Variants in CNTNAP2 observed in about 807,000 individuals in gnomAD.
CNTNAP2 encodes contactin associated protein 2.
Under a neutral mutation model 155.2 loss-of-function variants are expected in CNTNAP2, and 98 were observed. The observed-to-expected ratio is 0.63, with a 90% CI of 0.54 to 0.75. The LOEUF (loss-of-function observed/expected upper bound fraction) is 0.75, where lower values mean the gene tolerates loss of function less well. CNTNAP2 is among the 30% of genes least tolerant of loss of function. The probability of loss-of-function intolerance (pLI) is 0.00; values close to 1 mark genes in which losing one functional copy is unlikely to be tolerated. For missense variants in CNTNAP2, 1,727 were observed against 1,688.1 expected (o/e 1.02, Z -0.40); for synonymous variants, 651 against 631.2 (o/e 1.03, Z -0.47).
intron 1 of CNTNAP2, among the ~76,000 whole-genome samples, chr7:146,358,642 T>C (rs1795038902): frequency 6.6e-6 from 1 of 152,212 alleles, no homozygotes; most frequent in Non-Finnish European, 1.5e-5. Context: ...AGCTAAAGAT[T>C]GTTGATTAGA....
chr7:146,744,573 A>G (rs1801778353), intron 1 of CNTNAP2, among the ~76,000 whole-genome samples: 1 of 152,206 alleles, frequency 6.6e-6, no homozygotes, highest in Non-Finnish European at 1.5e-5. Flanking sequence ...CAATGTCTGC[A>G]TTGCTTGAAA....
At chr7:146,192,715 T>G (rs989140087) in intron 1 of CNTNAP2, among the ~76,000 whole-genome samples, 1 of 152,140 alleles carries the variant, frequency 6.6e-6, no homozygotes. Flanking sequence ...TTCTGCCCTC[T>G]GAAATCTCAT....
chr7:148,321,720 T>A lies in CNTNAP2; in HGVS notation c.3475+54594T>A, dbSNP rs1369745727. ...TCCAATGCAATCATCAGGCAAATAA[T>A]ATTTTAATGTTTTCTTGACATGCTG... On this transcript the variant is annotated intron_variant, in intron 21 of 23. Transcript: ENST00000361727. 5.3e-5 allele frequency among the ~76,000 whole-genome samples: 8 copies of A among 152,258 alleles called. No individual in the cohort carries two copies. In the East Asian group the frequency reaches 1.5e-3, roughly 29 times the overall value.
In CNTNAP2 at chr7:148,078,634, C is replaced by A. The variant is rs1036280710; in HGVS notation, c.2384-39484C>A. Among the ~76,000 whole-genome samples, 8 of 152,062 alleles carry A rather than the reference C, an allele frequency of 5.3e-5. No homozygotes were observed. In the South Asian group the frequency reaches 1.7e-3, roughly 32 times the overall value. ...TAGTTGGGATTACAGGTGCCCACCACCATGCCCAGCTAATCTTTGTATTTT... is the reference window on the plus strand; with the variant it reads ...TAGTTGGGATTACAGGTGCCCACCAACATGCCCAGCTAATCTTTGTATTTT... On this transcript the variant is annotated intron_variant, in intron 15 of 23. Coordinates refer to ENST00000361727, the MANE Select transcript of CNTNAP2 (RefSeq NM_014141.6).
At chr7:147,802,990 TAAAC>T (rs753210214) in intron 13 of CNTNAP2, among the ~76,000 whole-genome samples, 3 of 151,850 alleles carry the variant, frequency 2.0e-5, no homozygotes, top group East Asian at 1.9e-4. Context: ...TGAAACCTAA[TAAAC>T]AGACAAAGGA....
chr7:147,105,539 G>C (rs944397157), intron 4 of CNTNAP2, among the ~76,000 whole-genome samples: 3 of 152,038 alleles, frequency 2.0e-5, no homozygotes, highest in Non-Finnish European at 4.4e-5. Context: ...GTAGGAAACA[G>C]AGCCAAACTG....
At chr7:148,032,061 G>A (rs1005379835) in intron 15 of CNTNAP2, among the ~76,000 whole-genome samples, 1 of 152,114 alleles carries the variant, frequency 6.6e-6, no homozygotes, top group Non-Finnish European at 1.5e-5. Context: ...CGGTGCCCTA[G>A]ATGTTTCCCC....
chr7:146,355,320 G>A (rs1379289844), intron 1 of CNTNAP2, among the ~76,000 whole-genome samples: 1 of 152,112 alleles, frequency 6.6e-6, no homozygotes, highest in Non-Finnish European at 1.5e-5. Context: ...GACCAACAGG[G>A]GGTGTGCTAA....
chr7:147,410,121 A>G (rs915156930), intron 10 of CNTNAP2, among the ~76,000 whole-genome samples: 2 of 152,234 alleles, frequency 1.3e-5, no homozygotes, highest in Admixed American at 1.3e-4. Flanking sequence ...TTGCAGCCCT[A>G]TTCACAATAG....
intron 3 of CNTNAP2, among the ~76,000 whole-genome samples, chr7:146,983,794 G>C (rs1024048146): frequency 6.6e-6 from 1 of 152,152 alleles, no homozygotes; most frequent in African/African-American, 2.4e-5. Context: ...GTCACCATCA[G>C]AAGGGCTGGA....
chr7:146,803,597 A>C (rs1448375066), intron 2 of CNTNAP2, among the ~76,000 whole-genome samples: 1 of 152,192 alleles, frequency 6.6e-6, no homozygotes, highest in African/African-American at 2.4e-5. Context: ...CTGTGCCTAC[A>C]AGAGGAGCTG....
chr7:147,974,352 G>C (rs1240524068), intron 14 of CNTNAP2, among the ~76,000 whole-genome samples: 1 of 152,178 alleles, frequency 6.6e-6, no homozygotes, highest in Non-Finnish European at 1.5e-5. Flanking sequence ...GCTCACACCT[G>C]TAATCCCAGC....
At chr7:147,717,977 A>C (rs1278279675) in intron 13 of CNTNAP2, among the ~76,000 whole-genome samples, 1 of 151,948 alleles carries the variant, frequency 6.6e-6, no homozygotes, top group East Asian at 1.9e-4. Flanking sequence ...TAATAGTACC[A>C]ATTATATACT....
At chr7:147,563,467 A>G (rs1450062357) in intron 12 of CNTNAP2, among the ~76,000 whole-genome samples, 1 of 151,986 alleles carries the variant, frequency 6.6e-6, no homozygotes, top group African/African-American at 2.4e-5. Context: ...TGTCTCTACT[A>G]AAAATCCAAA....
intron 15 of CNTNAP2, among the ~76,000 whole-genome samples, chr7:148,059,319 G>A (rs56409871): frequency 0.15 from 22,051 of 151,742 alleles, 2,071 homozygotes; most frequent in East Asian, 0.44. Flanking sequence ...GGTCTGGCAC[G>A]GTGGCTCACA....
At chr7:147,815,527 C>T (rs7785839) in intron 13 of CNTNAP2, among the ~76,000 whole-genome samples, 17,077 of 152,080 alleles carry the variant, frequency 0.11, 1,262 homozygotes, top group African/African-American at 0.21. Context: ...TCTCTTCTTC[C>T]ACATCCTTCT....
chr7:147,632,778 G>A (rs1433990406), intron 12 of CNTNAP2, among the ~76,000 whole-genome samples: 1 of 152,172 alleles, frequency 6.6e-6, no homozygotes, highest in Non-Finnish European at 1.5e-5. Flanking sequence ...GAAAATGTGG[G>A]AAAGTTTGGA....
intron 13 of CNTNAP2, among the ~76,000 whole-genome samples, chr7:147,808,771 T>C (rs1404732): frequency 0.079 from 12,039 of 152,260 alleles, 550 homozygotes; most frequent in East Asian, 0.2. Context: ...CCTTATTGAC[T>C]ATCCCAAAGA....
intron 8 of CNTNAP2, among the ~76,000 whole-genome samples, chr7:147,286,892 A>G (rs1805191154): frequency 6.6e-6 from 1 of 152,062 alleles, no homozygotes; most frequent in South Asian, 2.1e-4. Flanking sequence ...AGATGCACTT[A>G]TAAGAGTTGA....
Sources: gnomAD v4.1 joint callset for allele counts (sites outside exome capture counted in the v4.1 genomes callset) on GRCh38, gnomAD v4.1.1 for gene constraint, MANE v1.5 for transcripts, NCBI Gene and HGNC (gene_info 2026-07-23, HGNC 2026-07-21) for gene names.